Variants in DNAH14 observed in about 807,000 individuals in gnomAD.
DNAH14 encodes the protein dynein axonemal heavy chain 14.
In DNAH14, 478 loss-of-function variants were observed where a neutral mutation model predicts 520.9. The ratio of observed to expected loss-of-function variants is 0.92; its 90% CI spans 0.85 to 0.99. The LOEUF (loss-of-function observed/expected upper bound fraction) is 0.99. Among genes scored for constraint, DNAH14 ranks in the 50% least tolerant of loss-of-function variants. DNAH14 has a pLI of 0.00. For synonymous variants in DNAH14, 1,581 were observed against 1,757.2 expected (o/e 0.90, Z 2.51); for missense variants, 4,831 against 5,234.5 (o/e 0.92, Z 2.38).
intron 15 of DNAH14, among the ~76,000 whole-genome samples, chr1:225,045,800 G>T (rs2067904585): frequency 6.6e-6 from 1 of 152,124 alleles, no homozygotes; most frequent in African/African-American, 2.4e-5. Context: ...TCTCCATGAT[G>T]AAGTTACCAT....
chr1:225,263,352 G>A (rs2093006218), intron 46 of DNAH14, among the ~76,000 whole-genome samples: 1 of 151,032 alleles, frequency 6.6e-6, no homozygotes, highest in African/African-American at 2.5e-5. Context: ...CCTTCCTCTA[G>A]TGCTTCTTAT....
At chr1:225,011,610 C>G (rs1321317181) in intron 10 of DNAH14, among the ~76,000 whole-genome samples, 1 of 152,102 alleles carries the variant, frequency 6.6e-6, no homozygotes, top group Non-Finnish European at 1.5e-5. Flanking sequence ...AATCTGGGTG[C>G]TCCTGTGTTG....
At chr1:225,179,050 G>A (rs2083665113) in intron 36 of DNAH14, among the ~76,000 whole-genome samples, 1 of 152,118 alleles carries the variant, frequency 6.6e-6, no homozygotes, top group African/African-American at 2.4e-5. Context: ...CCAGCCACGT[G>A]GAACTGTAAC....
chr1:224,969,432 A>C (rs1291221862), intron 7 of DNAH14: 1 of 158,536 alleles, frequency 6.3e-6, no homozygotes, highest in Non-Finnish European at 1.4e-5. Flanking sequence ...ATCAATTAAC[A>C]TGTTTTGTCT....
At chr1:225,168,609 G>A (rs778041992) in intron 36 of DNAH14, among the ~76,000 whole-genome samples, 1 of 152,188 alleles carries the variant, frequency 6.6e-6, no homozygotes, top group Non-Finnish European at 1.5e-5. Flanking sequence ...GAGGAGGGGC[G>A]CCTGCTATTG....
chr1:225,043,686 C>A, intron 13 of DNAH14, 58 bp from the exon 14 acceptor site: 2 of 1,215,836 alleles, frequency 1.6e-6, no homozygotes, highest in South Asian at 1.4e-5. Context: ...TTGTCATTTA[C>A]CTGATATAAA....
intron 54 of DNAH14, among the ~76,000 whole-genome samples, chr1:225,289,085 G>A (rs528553851): frequency 3.3e-5 from 5 of 152,226 alleles, no homozygotes; most frequent in East Asian, 1.9e-4. Context: ...TAAACAAAAT[G>A]TGATATGTCC....
At chr1:225,335,171 GTA>G (rs1491016585) in intron 66 of DNAH14, among the ~76,000 whole-genome samples, 10 of 146,720 alleles carry the variant, frequency 6.8e-5, no homozygotes, top group Non-Finnish European at 6.0e-5. Context: ...GTGTGCATGT[GTA>G]CATGTGCGCA....
intron 17 of DNAH14, among the ~76,000 whole-genome samples, chr1:225,078,866 CT>C (rs1191325805): frequency 0.011 from 577 of 52,326 alleles, 62 homozygotes; most frequent in Non-Finnish European, 0.016. Flanking sequence ...CTCCCTCTCT[CT>C]CTCTCTCTCT....
At chr1:224,938,670 T>G (rs997796475) in intron 1 of DNAH14, among the ~76,000 whole-genome samples, 24 of 152,200 alleles carry the variant, frequency 1.6e-4, no homozygotes, top group African/African-American at 5.5e-4. Context: ...TGCTATGTGA[T>G]CCAGCAATTC....
chr1:225,080,334 T>C (rs1165023414), intron 18 of DNAH14, 45 bp from the exon 19 acceptor site: 3 of 1,476,574 alleles, frequency 2.0e-6, no homozygotes, highest in Non-Finnish European at 1.8e-6. Context: ...CAGTACGTTC[T>C]AGACATACTG....
At chr1:225,307,615 T>C (rs1057482202) in intron 59 of DNAH14, 46 bp downstream of exon 59, 14 of 1,414,896 alleles carry the variant, frequency 9.9e-6, no homozygotes, top group Middle Eastern at 1.8e-4. Context: ...TAGTCTAATA[T>C]AGAACAGTGT....
chr1:225,275,052 A>C (rs181954363), intron 52 of DNAH14, among the ~76,000 whole-genome samples: 2 of 152,344 alleles, frequency 1.3e-5, no homozygotes, highest in Non-Finnish European at 2.9e-5. Flanking sequence ...CGAGCAGAGT[A>C]AGATTAAGAT....
intron 11 of DNAH14, among the ~76,000 whole-genome samples, chr1:225,029,444 A>G (rs756383538): frequency 8.9e-4 from 135 of 152,002 alleles, no homozygotes; most frequent in Non-Finnish European, 1.7e-3. Flanking sequence ...ACCTCAATAA[A>G]CCTGACATTA....
At chr1:225,120,906 TTTTTA>T (rs1463484833) in intron 26 of DNAH14, among the ~76,000 whole-genome samples, 3 of 152,204 alleles carry the variant, frequency 2.0e-5, no homozygotes, top group East Asian at 1.9e-4. Context: ...TTTGCAATTC[TTTTTA>T]AAATGCCATT....
At chr1:225,209,731 G>A (rs2088093896) in intron 41 of DNAH14, among the ~76,000 whole-genome samples, 1 of 152,098 alleles carries the variant, frequency 6.6e-6, no homozygotes, top group South Asian at 2.1e-4. Context: ...CATGAGAAGT[G>A]CCAGTCTGCA....
intron 10 of DNAH14, among the ~76,000 whole-genome samples, chr1:225,015,913 A>T (rs961678717): frequency 9.2e-5 from 14 of 152,160 alleles, no homozygotes; most frequent in Admixed American, 7.2e-4. Context: ...CCTGGGTTCC[A>T]GAGTCGGCCA....
rs570032977 is a variant in DNAH14 at position 225,039,939 on chromosome 1, C to CT, written c.1488+1129dup. ...AATATGGCCTTTATAGTTATCTTTT[C>CT]TTTTTTTTTTTTTCTTGAGGTGGAG... On this transcript the variant is annotated intron_variant, in intron 12 of 85. Transcript: ENST00000682510. 3.0e-3 allele frequency among the ~76,000 whole-genome samples: 345 copies of CT among 116,100 alleles called. 1 individual carries two copies. The highest frequency in any genetic ancestry group is 4.7e-3 in the Non-Finnish European group (261 of 55,998). The allele number at this position is 116,100 out of a possible 152,430, so 76.2% of individuals were successfully genotyped here.
intron 41 of DNAH14, among the ~76,000 whole-genome samples, chr1:225,216,741 TC>T (rs1393595337): frequency 6.6e-6 from 1 of 152,202 alleles, no homozygotes; most frequent in Non-Finnish European, 1.5e-5. Flanking sequence ...GGTTTTCAGC[TC>T]CATCAGGTCA....
Sources: allele counts gnomAD v4.1 joint callset (sites outside exome capture counted in the v4.1 genomes callset), GRCh38; gene constraint gnomAD v4.1.1; transcripts MANE v1.5; gene names NCBI Gene and HGNC (gene_info 2026-07-23, HGNC 2026-07-21).